SLC25A37: variants seen among roughly 807,000 people sequenced by gnomAD.
SLC25A37 encodes mitoferrin-1.
A neutral mutation model predicts 31.0 loss-of-function variants in SLC25A37; 17 were observed. The observed-to-expected ratio is 0.55, with a 90% CI of 0.38 to 0.82. The LOEUF is 0.82. SLC25A37 is among the 40% of genes least tolerant of loss of function. The pLI, the probability that SLC25A37 is intolerant of heterozygous loss-of-function variation, is 0.00. For synonymous variants in SLC25A37, 222 were observed against 193.0 expected (o/e 1.15, Z -1.24); for missense variants, 404 against 465.8 (o/e 0.87, Z 1.22).
chr8:23,571,120 T>C (rs987625296), intron 3 of SLC25A37, among the ~76,000 whole-genome samples: 5 of 152,208 alleles, frequency 3.3e-5, no homozygotes, highest in African/African-American at 7.2e-5. Flanking sequence ...GCGTGAGTCC[T>C]GGAGATAAAA....
At chr8:23,539,216 A>G (rs1170818549) in intron 1 of SLC25A37, among the ~76,000 whole-genome samples, 1 of 152,192 alleles carries the variant, frequency 6.6e-6, no homozygotes, top group Non-Finnish European at 1.5e-5. Flanking sequence ...GGGTTGCATA[A>G]CAGGTCTAGG....
intron 1 of SLC25A37, among the ~76,000 whole-genome samples, chr8:23,555,402 C>A (rs1425355239): frequency 6.6e-6 from 1 of 152,120 alleles, no homozygotes; most frequent in African/African-American, 2.4e-5. Flanking sequence ...GTGATCTGGA[C>A]TCTGGATCTC....
intron 1 of SLC25A37, among the ~76,000 whole-genome samples, chr8:23,545,162 A>G (rs943278140): frequency 2.0e-5 from 3 of 152,218 alleles, no homozygotes; most frequent in Non-Finnish European, 4.4e-5. Context: ...GAGAGACTTG[A>G]GGATGGTGTA....
chr8:23,539,238 C>T (rs376039910), intron 1 of SLC25A37, among the ~76,000 whole-genome samples: 1 of 152,136 alleles, frequency 6.6e-6, no homozygotes, highest in Admixed American at 6.5e-5. Flanking sequence ...AACGTCTGGC[C>T]GTGTGGGTCA....
At chr8:23,544,906 C>G (rs1031435519) in intron 1 of SLC25A37, among the ~76,000 whole-genome samples, 3 of 152,216 alleles carry the variant, frequency 2.0e-5, no homozygotes, top group Admixed American at 1.3e-4. Context: ...GCCCAGCCTC[C>G]TCCCAGGTGG....
chr8:23,534,888 C>T lies in SLC25A37; in HGVS notation c.210+5676C>T, dbSNP rs571970511. On this transcript the variant is annotated intron_variant, in intron 1 of 3. Coordinates refer to ENST00000519973, the MANE Select transcript of SLC25A37 (RefSeq NM_016612.4). ...ATCAGCATGATTGCCATCACTTTCT[C>T]TCATTCCCTGAGGACTCTGGCATCT... Among the ~76,000 whole-genome samples, 8 of 152,310 alleles carry T rather than the reference C, an allele frequency of 5.3e-5. No homozygotes were observed. In the South Asian group the frequency reaches 1.7e-3, roughly 32 times the overall value.
intron 1 of SLC25A37, among the ~76,000 whole-genome samples, chr8:23,546,499 A>G (rs995117856): frequency 4.4e-5 from 5 of 112,790 alleles, no homozygotes; most frequent in Non-Finnish European, 5.0e-5. Context: ...GTGTGTGTGT[A>G]TATATATATA....
rs963742847 is a variant in SLC25A37, at chr8:23,529,765, A to G, written c.210+553A>G. Among the ~76,000 whole-genome samples the G allele has an allele frequency of 1.3e-5, 2 of 152,108 alleles. No homozygotes were observed. The highest frequency in any genetic ancestry group is 1.3e-4 in the Admixed American group (2 of 15,276). On this transcript the variant is annotated intron_variant, in intron 1 of 3. Coordinates refer to ENST00000519973, the MANE Select transcript of SLC25A37 (RefSeq NM_016612.4). This position sits in a 1 kb window ranked among gnomAD's most constrained non-coding sequence, Gnocchi z 4.1. ...GGGGCCGGCAAGTCTTCTCTCGACT[A>G]GTGGCAGCTCTTTACCGGTTCGACA...
intron 1 of SLC25A37, among the ~76,000 whole-genome samples, chr8:23,531,323 G>A (rs937705105): frequency 7.9e-5 from 12 of 152,218 alleles, no homozygotes; most frequent in Non-Finnish European, 1.5e-4. Flanking sequence ...GGATGATGGC[G>A]AAGACCGGGA....
intron 1 of SLC25A37, among the ~76,000 whole-genome samples, chr8:23,532,877 G>A (rs1563249397): frequency 6.6e-6 from 1 of 152,228 alleles, no homozygotes; most frequent in Non-Finnish European, 1.5e-5. Flanking sequence ...GCAGGCAGCT[G>A]CCAGAGTCCC....
chr8:23,536,115 C>T (rs1291726588), intron 1 of SLC25A37, among the ~76,000 whole-genome samples: 1 of 152,176 alleles, frequency 6.6e-6, no homozygotes, highest in Non-Finnish European at 1.5e-5. Flanking sequence ...TCCCCTCACT[C>T]TTGAGTGACT....
Sources: gnomAD v4.1 joint callset for allele counts (sites outside exome capture counted in the v4.1 genomes callset) on GRCh38, gnomAD v4.1.1 for gene constraint, Gnocchi (gnomAD v3.1) non-coding constraint, MANE v1.5 for transcripts, NCBI Gene and HGNC (gene_info 2026-07-23, HGNC 2026-07-21) for gene names.